Variants in CNOT4 observed in about 807,000 individuals in gnomAD.
CNOT4 encodes the protein CCR4-associated factor 4.
Under a neutral mutation model 73.8 loss-of-function variants are expected in CNOT4, and 8 were observed. The ratio of observed to expected loss-of-function variants is 0.11; its 90% confidence interval spans 0.06 to 0.20. The LOEUF is 0.20. CNOT4 is among the 10% of genes least tolerant of loss of function. The pLI is 1.00. For missense variants in CNOT4, 564 were observed against 883.4 expected (o/e 0.64, Z 4.58); for synonymous variants, 293 against 321.1 (o/e 0.91, Z 0.94).
rs562744780 is a variant in CNOT4, at chr7:135,394,933, T to C, written c.1130-518A>G. ...AATGTTACTTTTATGCCACCTTTCA[T>C]AGTAATGAGAGAATTTAGAATGGAT... On this transcript the variant is annotated intron_variant, in intron 9 of 11. Transcript: ENST00000541284. Among the ~76,000 whole-genome samples the C allele has an allele frequency of 4.6e-5, 7 of 152,262 alleles. No individual in the cohort carries two copies. The East Asian group carries it at 1.2e-3, about 25-fold the overall frequency.
At chr7:135,495,758 G>T (rs551383444) in intron 1 of CNOT4, among the ~76,000 whole-genome samples, 48 of 123,380 alleles carry the variant, frequency 3.9e-4, no homozygotes, top group African/African-American at 1.2e-3. Context: ...AAGAAAGAAA[G>T]AAAGAAATTT....
chr7:135,414,336 G>A lies in CNOT4; in HGVS notation c.556C>T (p.Leu186Phe). The change falls in exon 5 of 12, where the codon CTT becomes TTT. Residue 186 changes from leucine to phenylalanine, a missense_variant. Physicochemically the swap from Leu to Phe is conservative, Grantham distance 22. Around this residue, in one of 10 missense-constraint regions of CNOT4, gnomAD observed 25 missense variants for 25.1 expected, o/e 1.00. Transcript: ENST00000541284. Reference protein sequence around the residue: ...VNNVVVDGRTLKASLGTTKYC... With the variant: ...VNNVVVDGRTFKASLGTTKYC... ...AATCAAGAGGACTATATTACCTTAA[G>A]TGTTCTGCCATCTACTACCACATTG... The A allele has an allele frequency of 1.7e-6, 2 of 1,191,882 alleles. No homozygotes were observed. Among genetic ancestry groups the A allele is most frequent in the Non-Finnish European group, 2.5e-6 (2 of 805,226 alleles). 73.8% of individuals were successfully genotyped at this position (1,191,882 alleles called of 1,614,324 possible).
chr7:135,478,615 T>C (rs1802148265), intron 1 of CNOT4, among the ~76,000 whole-genome samples: 1 of 151,972 alleles, frequency 6.6e-6, no homozygotes, highest in African/African-American at 2.4e-5. Flanking sequence ...GGTGGGAGGA[T>C]CTCTTGAGCC....
At chr7:135,466,475 CAA>C (rs199824747) in intron 1 of CNOT4, among the ~76,000 whole-genome samples, 9 of 83,444 alleles carry the variant, frequency 1.1e-4, no homozygotes, top group Non-Finnish European at 1.1e-4. Flanking sequence ...AAGACTGTCT[CAA>C]AAAAAAAAAA....
At chr7:135,368,476 T>C (rs1795026614) in intron 10 of CNOT4, among the ~76,000 whole-genome samples, 1 of 151,928 alleles carries the variant, frequency 6.6e-6, no homozygotes, top group Non-Finnish European at 1.5e-5. Flanking sequence ...AGTGGGACAA[T>C]GAAAATAAAT....
At position 135,362,720 on chromosome 7, in the gene CNOT4, T is replaced by C. The variant is rs763425151; in HGVS notation, c.*165A>G. The stretch of plus-strand genomic sequence containing the variant: ...TTTACAATTAATAAAGAGATGGTAA[T>C]GACCCTGTGATCGCATTGCATCTGG... On this transcript the variant is annotated 3_prime_UTR_variant, in exon 12 of 12. Transcript: ENST00000541284. 3 of 780,330 alleles carry C rather than the reference T, an allele frequency of 3.8e-6. No homozygotes were observed. Among genetic ancestry groups the C allele is most frequent in the Admixed American group, 3.4e-5 (2 of 58,772 alleles). The allele number at this position is 780,330 out of a possible 1,614,324, so 48.3% of individuals were successfully genotyped here.
chr7:135,484,303 T>C (rs1802580569), intron 1 of CNOT4, among the ~76,000 whole-genome samples: 1 of 152,080 alleles, frequency 6.6e-6, no homozygotes, highest in African/African-American at 2.4e-5. Context: ...AACATAATTA[T>C]GGAAATTCCA....
At chr7:135,389,499 G>C (rs1563019753) in intron 10 of CNOT4, among the ~76,000 whole-genome samples, 1 of 142,104 alleles carries the variant, frequency 7.0e-6, no homozygotes, top group African/African-American at 3.1e-5. Context: ...CTACTTCTAG[G>C]TCAGAGAATT....
chr7:135,435,540 A>G (rs760979516), intron 2 of CNOT4, among the ~76,000 whole-genome samples: 7 of 152,222 alleles, frequency 4.6e-5, no homozygotes, highest in Admixed American at 6.5e-5. Context: ...ATCTTTCTAC[A>G]TGAATATGAC....
chr7:135,482,711 T>C (rs1802461613), intron 1 of CNOT4, among the ~76,000 whole-genome samples: 1 of 152,102 alleles, frequency 6.6e-6, no homozygotes, highest in South Asian at 2.1e-4. Context: ...CCGAGCACAG[T>C]GGCTAACGCC....
At chr7:135,502,585 C>T (rs1299685484) in intron 1 of CNOT4, among the ~76,000 whole-genome samples, 6 of 152,060 alleles carry the variant, frequency 3.9e-5, no homozygotes, top group African/African-American at 9.7e-5. Flanking sequence ...GAGGCCGAAG[C>T]GGGCAGATCA....
intron 2 of CNOT4, among the ~76,000 whole-genome samples, chr7:135,431,535 A>G (rs1005569275): frequency 1.3e-5 from 2 of 152,146 alleles, no homozygotes; most frequent in Non-Finnish European, 2.9e-5. Flanking sequence ...CGAGGTCAGG[A>G]GATTGAGACC....
At chr7:135,417,591 G>C (rs1482291413) in intron 3 of CNOT4, among the ~76,000 whole-genome samples, 1 of 152,124 alleles carries the variant, frequency 6.6e-6, no homozygotes, top group Non-Finnish European at 1.5e-5. Flanking sequence ...CATGAGATTG[G>C]TATGTAATTA....
intron 10 of CNOT4, among the ~76,000 whole-genome samples, chr7:135,383,320 T>A (rs996733814): frequency 2.0e-5 from 3 of 152,122 alleles, no homozygotes; most frequent in African/African-American, 4.8e-5. Context: ...CCATACCTAA[T>A]CCCTCTGTCT....
At position 135,410,760 on chromosome 7, in the gene CNOT4, T is replaced by A. The variant is rs181448392; in HGVS notation, c.688-112A>T. 3.7e-4 allele frequency: 242 copies of A among 659,604 alleles called. No individual in the cohort carries two copies. The African/African-American group carries it at 4.4e-3, about 12-fold the overall frequency. 40.9% of individuals were successfully genotyped at this position (659,604 alleles called of 1,614,324 possible). ...ATTTTAAATAAAATAAATAATATTT[T>A]TAAAAAATAAAATATTAAATAAATT... is the stretch of plus-strand genomic sequence containing the variant. On this transcript the variant is annotated intron_variant, in intron 6 of 11. Transcript: ENST00000541284.
In CNOT4 at chr7:135,388,212, AAG is replaced by A. The variant is rs373979018; in HGVS notation, c.1627+5704_1627+5705del. On this transcript the variant is annotated intron_variant, in intron 10 of 11. Transcript: ENST00000541284. ...TCAAAAAGAAAGTGCAAAAGTGCAA[AAG>A]AGAGAGAACAAAACAGTTTCTACAC... is the stretch of plus-strand genomic sequence containing the variant. The A allele has an allele frequency of 9.2e-5, 91 of 985,292 alleles. No individual in the cohort carries two copies. The East Asian group carries it at 3.3e-3, about 36-fold the overall frequency. The allele number at this position is 985,292 out of a possible 1,614,324, so 61.0% of individuals were successfully genotyped here.
rs539664502 is a variant in CNOT4, at chr7:135,477,938, CTG to C, written c.-93+31949_-93+31950del. 6.0e-3 allele frequency among the ~76,000 whole-genome samples: 909 copies of C among 151,772 alleles called. 13 individuals carry two copies. Among genetic ancestry groups the C allele is most frequent in the African/African-American group, 0.021 (854 of 41,424 alleles). Reference sequence around the variant, plus strand: ...ATATATGAATACACTATATGTACTTCTGTGTGTAAATATGTTTATATTTAATA... The same window carrying C: ...ATATATGAATACACTATATGTACTTCTGTGTAAATATGTTTATATTTAATA... On this transcript the variant is annotated intron_variant, in intron 1 of 11. Transcript: ENST00000541284.
At chr7:135,376,078 GT>G (rs1159436514) in intron 10 of CNOT4, among the ~76,000 whole-genome samples, 1 of 151,702 alleles carries the variant, frequency 6.6e-6, no homozygotes, top group Non-Finnish European at 1.5e-5. Context: ...TGGGTGACGT[GT>G]AGGGGGGAAA....
At chr7:135,492,066 A>T (rs1467033683) in intron 1 of CNOT4, among the ~76,000 whole-genome samples, 1 of 152,200 alleles carries the variant, frequency 6.6e-6, no homozygotes, top group African/African-American at 2.4e-5. Context: ...CTTGCATCTC[A>T]CAATGAAGTA....
Sources: allele counts gnomAD v4.1 joint callset (sites outside exome capture counted in the v4.1 genomes callset), GRCh38; gene constraint gnomAD v4.1.1; regional missense constraint gnomAD v4.1.1; transcripts MANE v1.5; gene names NCBI Gene and HGNC (gene_info 2026-07-23, HGNC 2026-07-21).